PCNX4: variants seen among roughly 807,000 people sequenced by gnomAD.
PCNX4 encodes pecanex 4.
PCNX4 carries 103 observed loss-of-function variants against 107.2 expected under a neutral mutation model. That is an observed-to-expected ratio of 0.96 (90% CI 0.82 to 1.13). The LOEUF (loss-of-function observed/expected upper bound fraction) is 1.13, where lower values mean the gene tolerates loss of function less well. Among genes scored for constraint, PCNX4 ranks in the 50% most tolerant of loss-of-function variants. PCNX4 has a pLI of 0.00. For synonymous variants in PCNX4, 541 were observed against 481.7 expected (o/e 1.12, Z -1.61); for missense variants, 1,528 against 1,379.4 (o/e 1.11, Z -1.71).
At position 60,092,003 on chromosome 14, in the gene PCNX4, C is replaced by T. The variant is rs931064293; in HGVS notation, c.-470C>T. 1 of 152,568 alleles carries T rather than the reference C, an allele frequency of 6.6e-6. No individual in the cohort carries two copies. The highest frequency in any genetic ancestry group is 2.1e-4 in the South Asian group (1 of 4,828). 9.5% of individuals were successfully genotyped at this position (152,568 alleles called of 1,614,324 possible). A position where few individuals can be genotyped will look rare whatever the true frequency, so the allele number is the denominator to read the frequency against. Reference sequence around the variant, plus strand: ...GCTTCTGCTAGGCCCAGTGCGAGACCAGAGCACGAGCGACTCCCGTCGTCC... The same window carrying T: ...GCTTCTGCTAGGCCCAGTGCGAGACTAGAGCACGAGCGACTCCCGTCGTCC... On this transcript the variant is annotated 5_prime_UTR_variant, in exon 1 of 11. Transcript: ENST00000406854.
At chr14:60,128,978 C>T (rs559084999) in intron 10 of PCNX4, among the ~76,000 whole-genome samples, 320 of 152,092 alleles carry the variant, frequency 2.1e-3, no homozygotes, top group Middle Eastern at 0.01. Context: ...TTTGGGAGGC[C>T]GCGGCAGGCG....
rs1203955252 is a variant in PCNX4 at position 60,124,322 on chromosome 14, T to C, written c.2151T>C (p.Leu717=). The stretch of plus-strand genomic sequence containing the variant: ...AAGAATACACAAGAGTATGTTCCCT[T>C]AATGAACACTTTGGAAATGTCTTGA... ...FEQEYTRVCS[L]NEHFGNVLTP... Residue 717 remains leucine, a synonymous_variant, in exon 9 of 11, where the codon CTT becomes CTC. Transcript: ENST00000406854. 1 of 1,612,258 alleles carries C rather than the reference T, an allele frequency of 6.2e-7. No individual in the cohort carries two copies. The highest frequency in any genetic ancestry group is 1.3e-5 in the African/African-American group (1 of 75,034).
Position 60,115,014 on chromosome 14 carries a change from G to T in PCNX4, c.910G>T (p.Ala304Ser), listed in dbSNP as rs1157103211. The T allele has an allele frequency of 1.2e-6, 2 of 1,612,082 alleles. No homozygotes were observed. The highest frequency in any genetic ancestry group is 8.5e-7 in the Non-Finnish European group (1 of 1,178,600). The change falls in exon 4 of 11, where the codon GCA (alanine) becomes TCA (serine). Residue 304 changes from alanine (A) to serine (S), a missense_variant. Ala to Ser is a moderately conservative substitution (Grantham distance 99). Coordinates refer to ENST00000406854, the MANE Select transcript of PCNX4 (RefSeq NM_001330177.2). Reference sequence around the variant, plus strand: ...CATCATGTCTGCTGGAACAGCTATAGCATCATATTTCATTCCAAGCACTGT... The same window carrying T: ...CATCATGTCTGCTGGAACAGCTATATCATCATATTTCATTCCAAGCACTGT... ...MFIMSAGTAI[A>S]SYFIPSTVGV...
chr14:60,124,988 A>G lies in PCNX4; in HGVS notation c.2817A>G (p.Gln939=), dbSNP rs45445392. 1.0e-3 allele frequency: 1,632 copies of G among 1,613,854 alleles called. 4 individuals carry two copies. Among genetic ancestry groups the G allele is most frequent in the Middle Eastern group, 2.5e-3 (15 of 6,062 alleles). The change falls in exon 9 of 11, where the codon CAA becomes CAG. Residue 939 remains glutamine (Q), a synonymous_variant. Transcript: ENST00000406854. ...CGTTATTTCCAGAAGACTGGTACCA[A>G]TTTGTTCTAAGGCAGTTGGAATGTT... is the stretch of plus-strand genomic sequence containing the variant. ...MSSLFPEDWY[Q]FVLRQLECYH... is the part of the protein sequence containing the mutation.
chr14:60,125,083 A>C lies in PCNX4; in HGVS notation c.2912A>C (p.Tyr971Ser). Residue 971 changes from tyrosine to serine, a missense_variant, in exon 9 of 11, where the codon TAT (tyrosine) becomes TCT (serine). Transcript: ENST00000406854. ...IAKDKVLKDF[Y>S]VHTVMTCYFS... is the part of the protein sequence containing the mutation. ...AAGGACAAAGTTTTAAAAGACTTTTATGTTCATACAGTAATGACTTGTTAT... is the reference window on the plus strand; with the variant it reads ...AAGGACAAAGTTTTAAAAGACTTTTCTGTTCATACAGTAATGACTTGTTAT... 2 of 1,613,524 alleles carry C rather than the reference A, an allele frequency of 1.2e-6. No homozygotes were observed. The highest frequency in any genetic ancestry group is 1.7e-6 in the Non-Finnish European group (2 of 1,179,666).
At chr14:60,093,048 C>A (rs879463261) in intron 1 of PCNX4, among the ~76,000 whole-genome samples, 10 of 152,212 alleles carry the variant, frequency 6.6e-5, no homozygotes, top group Non-Finnish European at 1.3e-4. Flanking sequence ...CCACTCACGC[C>A]AAATCCCCAG....
In PCNX4 at chr14:60,116,016, A is replaced by G. The variant is rs1190907943; in HGVS notation, c.1534A>G (p.Ile512Val). The G allele has an allele frequency of 1.2e-6, 2 of 1,612,964 alleles. No individual in the cohort carries two copies. The highest frequency in any genetic ancestry group is 1.7e-6 in the Non-Finnish European group (2 of 1,179,402). ...STVHLISSTD[I>V]WWNRSLDTGL... ...AGTACACTTGATCTCCAGTACAGAC[A>G]TATGGTGGAACAGAAGCCTGGATAC... The change falls in exon 6 of 11, where the codon ATA becomes GTA. Residue 512 changes from isoleucine to valine, a missense_variant. Ile to Val is a conservative substitution (Grantham distance 29). Transcript: ENST00000406854.
intron 1 of PCNX4, among the ~76,000 whole-genome samples, chr14:60,095,664 G>C (rs1027501530): frequency 6.6e-6 from 1 of 151,980 alleles, no homozygotes; most frequent in Non-Finnish European, 1.5e-5. Context: ...ACGAGTTCCT[G>C]GCCTCAGGTT....
Position 60,118,623 on chromosome 14 carries a change from G to A in PCNX4, c.1873G>A (p.Val625Met). 6.2e-7 allele frequency: 1 copy of A among 1,613,712 alleles called. No homozygotes were observed. Residue 625 changes from valine to methionine, a missense_variant, in exon 7 of 11, where the codon GTG (valine) becomes ATG (methionine). Val to Met is a conservative substitution (Grantham distance 21). Transcript: ENST00000406854. ...CACAGCCTGTGTGTGTGCAGATACA[G>A]TGTACTACTACCAAATGGTGCCCAG... ...GTTACVCADT[V>M]YYYQMVPRLT...
intron 8 of PCNX4, among the ~76,000 whole-genome samples, chr14:60,122,388 A>G (rs1595174303): frequency 3.9e-5 from 6 of 152,054 alleles, no homozygotes; most frequent in Admixed American, 3.9e-4. Context: ...TTTGGCCTTT[A>G]TTGCTTTAAC....
chr14:60,126,592 G>A (rs1439457907), intron 10 of PCNX4, among the ~76,000 whole-genome samples: 1 of 152,170 alleles, frequency 6.6e-6, no homozygotes, highest in African/African-American at 2.4e-5. Flanking sequence ...ACCTCAGCAA[G>A]ATGGAATCTC....
intron 1 of PCNX4, among the ~76,000 whole-genome samples, chr14:60,100,826 A>G (rs1895517236): frequency 6.6e-6 from 1 of 152,210 alleles, no homozygotes; most frequent in Non-Finnish European, 1.5e-5. Flanking sequence ...CCAAAAATAT[A>G]TTTCCTTGCC....
chr14:60,103,873 T>G (rs1240379555), intron 1 of PCNX4, among the ~76,000 whole-genome samples: 1 of 152,202 alleles, frequency 6.6e-6, no homozygotes, highest in Non-Finnish European at 1.5e-5. Flanking sequence ...TATATTGATC[T>G]AGGCAGAATC....
chr14:60,115,938 C>T lies in PCNX4; in HGVS notation c.1459-3C>T, dbSNP rs1895839785. ...ATAAAAATGGATAATTTGTATACTG[C>T]AGGTATGGCAGAATACAGAAAATGC... On this transcript the variant is annotated splice_polypyrimidine_tract_variant and splice_region_variant and intron_variant, in intron 5 of 10. Transcript: ENST00000406854. 1 of 1,607,422 alleles carries T rather than the reference C, an allele frequency of 6.2e-7. No individual in the cohort carries two copies. Among genetic ancestry groups the T allele is most frequent in the Non-Finnish European group, 8.5e-7 (1 of 1,176,056 alleles).
At chr14:60,111,030 A>G (rs989020580) in intron 2 of PCNX4, 2 of 167,224 alleles carry the variant, frequency 1.2e-5, no homozygotes, top group East Asian at 1.9e-4. Flanking sequence ...ACAAAAAGAC[A>G]CAGCAAAAAG....
Position 60,097,392 on chromosome 14 carries a change from A to G in PCNX4, c.-54+4973A>G, listed in dbSNP as rs76187926. Among the ~76,000 whole-genome samples the G allele has an allele frequency of 3.3e-3, 507 of 152,322 alleles. 16 individuals carry two copies. The East Asian group carries it at 0.056, about 17-fold the overall frequency. On this transcript the variant is annotated intron_variant, in intron 1 of 10. Coordinates refer to ENST00000406854, the MANE Select transcript of PCNX4 (RefSeq NM_001330177.2). ...CTAAATATAATGGAAATTATTTACTACGCCTTGTGGGAATTGCTTTACTCT... is the reference window on the plus strand; with the variant it reads ...CTAAATATAATGGAAATTATTTACTGCGCCTTGTGGGAATTGCTTTACTCT...
rs759096635 is a variant in PCNX4 at position 60,115,024 on chromosome 14, T to C, written c.920T>C (p.Phe307Ser). 2 of 1,613,096 alleles carry C rather than the reference T, an allele frequency of 1.2e-6. No individual in the cohort carries two copies. The highest frequency in any genetic ancestry group is 3.3e-5 in the Admixed American group (2 of 60,010). ...GCTGGAACAGCTATAGCATCATATTTCATTCCAAGCACTGTTGGTGTGGTT... is the reference window on the plus strand; with the variant it reads ...GCTGGAACAGCTATAGCATCATATTCCATTCCAAGCACTGTTGGTGTGGTT... The part of the protein sequence containing the change: ...MSAGTAIASY[F>S]IPSTVGVVLF... The change falls in exon 4 of 11, where the codon TTC (phenylalanine) becomes TCC (serine). Residue 307 changes from phenylalanine to serine, a missense_variant. Physicochemically the swap from Phe to Ser is radical, Grantham distance 155. Coordinates refer to ENST00000406854, the MANE Select transcript of PCNX4 (RefSeq NM_001330177.2).
At chr14:60,099,921 CA>C (rs1895497372) in intron 1 of PCNX4, among the ~76,000 whole-genome samples, 2 of 151,724 alleles carry the variant, frequency 1.3e-5, no homozygotes, top group Admixed American at 6.6e-5. Context: ...AAAAATTAGT[CA>C]GGGGTGGTGG....
rs1819141957 is a variant in PCNX4 at position 60,124,484 on chromosome 14, C to T, written c.2313C>T (p.Tyr771=). The T allele has an allele frequency of 6.2e-7, 1 of 1,613,616 alleles. No individual in the cohort carries two copies. The highest frequency in any genetic ancestry group is 1.7e-5 in the Admixed American group (1 of 59,970). The stretch of plus-strand genomic sequence containing the variant: ...TACTTGTGTGGATACTTGTTCAATA[C>T]TGCTCCAAAAGGCCTGGCATGAAAG... ...IKVLVWILVQ[Y]CSKRPGMKEN... The change falls in exon 9 of 11, where the codon TAC becomes TAT. Residue 771 remains tyrosine, a synonymous_variant. Transcript: ENST00000406854.
Sources: allele counts gnomAD v4.1 joint callset (sites outside exome capture counted in the v4.1 genomes callset), GRCh38; gene constraint gnomAD v4.1.1; transcripts MANE v1.5; gene names NCBI Gene and HGNC (gene_info 2026-07-23, HGNC 2026-07-21).